ODF2: variants seen among roughly 807,000 people sequenced by gnomAD.
ODF2 encodes the protein outer dense fiber of sperm tails 2, also known as outer dense fiber protein 2.
In ODF2, 47 loss-of-function variants were observed where a neutral mutation model predicts 110.2. The ratio of observed to expected loss-of-function variants is 0.43; its 90% CI spans 0.34 to 0.54. The LOEUF is 0.54. ODF2 is among the 20% of genes least tolerant of loss of function. The probability of loss-of-function intolerance (pLI) is 0.03; values close to 1 mark genes in which losing one functional copy is unlikely to be tolerated. For synonymous variants in ODF2, 352 were observed against 397.7 expected, an observed-to-expected ratio of 0.89 and a Z score of 1.37; for missense variants, 812 against 1,054.5, an observed-to-expected ratio of 0.77 and a Z score of 3.19.
chr9:128,487,669 C>T (rs1265051670), intron 13 of ODF2, among the ~76,000 whole-genome samples: 1 of 151,936 alleles, frequency 6.6e-6, no homozygotes, highest in Non-Finnish European at 1.5e-5. Context: ...CGCCTGTAGT[C>T]CCAGCTACTC....
intron 8 of ODF2, among the ~76,000 whole-genome samples, chr9:128,475,738 C>T (rs533024440): frequency 9.9e-5 from 15 of 151,910 alleles, no homozygotes; most frequent in Admixed American, 3.3e-4. Context: ...CTCCGCCTCC[C>T]GGTTTCAAGT....
chr9:128,496,536 TTC>T (rs990041869), intron 18 of ODF2, among the ~76,000 whole-genome samples: 1 of 152,232 alleles, frequency 6.6e-6, no homozygotes, highest in African/African-American at 2.4e-5. Context: ...GATCTGACCG[TTC>T]TCTGTTATTT....
chr9:128,457,434 C>A, exon 2 of ODF2: 1 of 1,610,778 alleles, frequency 6.2e-7, no homozygotes. Context: ...GGCGGCTCCC[C>A]CAGGTATTGC....
At chr9:128,459,496 T>C in intron 2 of ODF2, 71 bp from the exon 2 acceptor site, 11 of 1,252,448 alleles carry the variant, frequency 8.8e-6, no homozygotes, top group Non-Finnish European at 1.3e-5. Flanking sequence ...CAGTGTGTAA[T>C]TTCATGAGAT....
intron 4 of ODF2, among the ~76,000 whole-genome samples, chr9:128,461,779 A>T (rs1836529416): frequency 6.6e-6 from 1 of 152,208 alleles, no homozygotes; most frequent in South Asian, 2.1e-4. Context: ...AAGAAAAAAA[A>T]ATAGAAATGA....
exon 2 of ODF2, chr9:128,457,395 G>A: frequency 6.2e-7 from 1 of 1,613,236 alleles, no homozygotes; most frequent in South Asian, 1.1e-5. Context: ...TTGCGGCTTT[G>A]ATGCCTAGCC....
chr9:128,478,999 C>T (rs567544762), intron 8 of ODF2, among the ~76,000 whole-genome samples: 11 of 152,248 alleles, frequency 7.2e-5, no homozygotes, highest in African/African-American at 2.2e-4. Context: ...TGAGTTCATG[C>T]ACATAGGATG....
At chr9:128,461,149 G>C in intron 4 of ODF2, 82 bp downstream of exon 4, 2 of 1,528,382 alleles carry the variant, frequency 1.3e-6, no homozygotes, top group East Asian at 2.4e-5. Context: ...TTCAGGGTCA[G>C]CTATAGCTAC....
intron 14 of ODF2, among the ~76,000 whole-genome samples, chr9:128,489,851 T>C (rs1844181317): frequency 6.6e-6 from 1 of 152,178 alleles, no homozygotes; most frequent in African/African-American, 2.4e-5. Context: ...TGTTACTGAA[T>C]AGTAAAGTAG....
At chr9:128,457,446 G>T in intron 2 of ODF2, 1 of 1,608,170 alleles carries the variant, frequency 6.2e-7, no homozygotes, top group Non-Finnish European at 8.5e-7. Context: ...AGGTATTGCC[G>T]ATGTGGGAGG....
rs755966189 is a variant in ODF2, at chr9:128,457,438, G to T, written c.32+1G>T. 1 of 1,610,548 alleles carries T rather than the reference G, an allele frequency of 6.2e-7. No homozygotes were observed. Among genetic ancestry groups the T allele is most frequent in the Non-Finnish European group, 8.5e-7 (1 of 1,179,070 alleles). On this transcript the variant is annotated splice_donor_variant, in intron 2 of 20. Transcript: ENST00000604420. LOFTEE classifies it high-confidence loss of function. Reference sequence around the variant, plus strand: ...CCTCATCCTCAGGCGGCTCCCCCAGGTATTGCCGATGTGGGAGGCGCCTGC... The same window carrying T: ...CCTCATCCTCAGGCGGCTCCCCCAGTTATTGCCGATGTGGGAGGCGCCTGC...
At chr9:128,460,385 T>A in intron 3 of ODF2, 165 bp from the exon 3 acceptor site, 2 of 1,417,140 alleles carry the variant, frequency 1.4e-6, no homozygotes, top group Non-Finnish European at 1.9e-6. Flanking sequence ...TGCTGAATGA[T>A]ACTCCCGCCT....
chr9:128,458,753 CTTAGGGGAATA>C (rs1835627749), intron 2 of ODF2, among the ~76,000 whole-genome samples: 1 of 151,978 alleles, frequency 6.6e-6, no homozygotes, highest in Non-Finnish European at 1.5e-5. Context: ...TTTTTATTCT[CTTAGGGGAATA>C]TTTGAGCCTT....
At chr9:128,458,467 A>G (rs1835530143) in intron 2 of ODF2, among the ~76,000 whole-genome samples, 1 of 151,542 alleles carries the variant, frequency 6.6e-6, no homozygotes, top group South Asian at 2.1e-4. Flanking sequence ...ATCTCAAAAA[A>G]AAAAAAAAAA....
rs1051410716 is a variant in ODF2, at chr9:128,491,334, C to T, written c.1537-1092C>T. 7.2e-5 allele frequency among the ~76,000 whole-genome samples: 11 copies of T among 151,862 alleles called. No individual in the cohort carries two copies. In the South Asian group the frequency reaches 2.1e-3, roughly 29 times the overall value. On this transcript the variant is annotated intron_variant, in intron 14 of 20. Coordinates refer to ENST00000604420, the Ensembl canonical transcript of ODF2. Reference sequence around the variant, plus strand: ...CTGGGATTACAGGTGTGAGCCACCACATCCGGCCCACAACATATTGTTAAT... The same window carrying T: ...CTGGGATTACAGGTGTGAGCCACCATATCCGGCCCACAACATATTGTTAAT...
At chr9:128,476,928 C>T (rs192873577) in intron 8 of ODF2, among the ~76,000 whole-genome samples, 89 of 150,420 alleles carry the variant, frequency 5.9e-4, no homozygotes, top group Middle Eastern at 3.5e-3. Flanking sequence ...CATGAGCCAC[C>T]GCGCCCGGCC....
intron 6 of ODF2, among the ~76,000 whole-genome samples, chr9:128,472,622 T>C (rs1346867386): frequency 1.3e-5 from 2 of 152,080 alleles, no homozygotes; most frequent in African/African-American, 4.8e-5. Context: ...TAGGAGGGCG[T>C]GACAGTGGAG....
intron 5 of ODF2, among the ~76,000 whole-genome samples, chr9:128,470,707 C>T (rs1839778861): frequency 6.6e-6 from 1 of 151,944 alleles, no homozygotes; most frequent in Non-Finnish European, 1.5e-5. Context: ...TATGGTGTGC[C>T]AGCCAAACCA....
exon 16 of ODF2, chr9:128,492,771 T>C (rs1290791088): frequency 6.2e-7 from 1 of 1,614,030 alleles, no homozygotes; most frequent in African/African-American, 1.3e-5. Context: ...GAGAACAAGA[T>C]CCTTAAAGAT....
Sources: gnomAD v4.1 joint callset for allele counts (sites outside exome capture counted in the v4.1 genomes callset) on GRCh38, gnomAD v4.1.1 for gene constraint, MANE v1.5 for transcripts, NCBI Gene and HGNC (gene_info 2026-07-23, HGNC 2026-07-21) for gene names.